The following MAP2K3 variants were observed in gnomAD, a reference collection of about 807,000 sequenced individuals.
MAP2K3 encodes dual specificity mitogen-activated protein kinase kinase 3.
A neutral mutation model predicts 46.4 loss-of-function variants in MAP2K3; 30 were observed. The observed-to-expected ratio is 0.65, with a 90% CI of 0.48 to 0.88. The LOEUF is 0.88. Ranked by LOEUF, MAP2K3 falls within the 40% of genes least tolerant of loss-of-function variation. The pLI is 0.00. For missense variants in MAP2K3, 380 were observed against 464.5 expected (o/e 0.82, Z 1.67); for synonymous variants, 189 against 176.3 (o/e 1.07, Z -0.57).
At position 21,285,390 on chromosome 17, in the gene MAP2K3, G is replaced by T. The variant is rs76559718; in HGVS notation, c.49+421G>T. On this transcript the variant is annotated intron_variant, in intron 1 of 11. Coordinates refer to ENST00000342679, the MANE Select transcript of MAP2K3 (RefSeq NM_145109.3). Reference sequence around the variant, plus strand: ...GCACCCAGTCCCATTTCTAGCTTCGGGTCCCAGGGCTGTATCCAGGTTGGG... The same window carrying T: ...GCACCCAGTCCCATTTCTAGCTTCGTGTCCCAGGGCTGTATCCAGGTTGGG... 5,486 of 600,894 alleles carry T rather than the reference G, an allele frequency of 9.1e-3. 263 individuals carry two copies. The African/African-American group carries it at 0.095, about 10-fold the overall frequency. The allele number at this position is 600,894 out of a possible 1,614,324, so 37.2% of individuals were successfully genotyped here.
intron 7 of MAP2K3, 47 bp downstream of exon 7, chr17:21,303,281 A>T: frequency 6.2e-7 from 1 of 1,612,638 alleles, no homozygotes; most frequent in Non-Finnish European, 8.5e-7. Context: ...AGTGGGAGGG[A>T]TCCCAGGCCA....
At chr17:21,303,013 C>T (rs1976691437) in intron 6 of MAP2K3, among the ~76,000 whole-genome samples, 170 bp from the exon 7 acceptor site, 1 of 152,310 alleles carries the variant, frequency 6.6e-6, no homozygotes, top group Non-Finnish European at 1.5e-5. Flanking sequence ...TGTTAGGATG[C>T]TGGGGCAAAT....
intron 1 of MAP2K3, among the ~76,000 whole-genome samples, chr17:21,293,920 C>G (rs1401688695): frequency 6.6e-6 from 1 of 152,308 alleles, no homozygotes; most frequent in East Asian, 1.9e-4. Context: ...GGGCAAGGGG[C>G]CCTGCCTGAA....
intron 1 of MAP2K3, chr17:21,296,169 C>G (rs896517323): frequency 7.8e-7 from 1 of 1,289,634 alleles, no homozygotes; most frequent in Non-Finnish European, 1.0e-6. Context: ...GAGCACCTTG[C>G]AGACGTGATC....
At chr17:21,311,904 G>A (rs1162080825) in intron 9 of MAP2K3, 16 of 452,008 alleles carry the variant, frequency 3.5e-5, no homozygotes, top group Non-Finnish European at 5.0e-5. Flanking sequence ...CACCAGTCCC[G>A]GTGTGGGCTG....
chr17:21,309,301 G>A, intron 9 of MAP2K3, among the ~76,000 whole-genome samples: 1 of 152,306 alleles, frequency 6.6e-6, no homozygotes, highest in Non-Finnish European at 1.5e-5. Flanking sequence ...CGAGTCACAG[G>A]CCAGCCCAGG....
chr17:21,292,912 T>G (rs1275252578), intron 1 of MAP2K3, among the ~76,000 whole-genome samples: 1 of 152,298 alleles, frequency 6.6e-6, no homozygotes, highest in East Asian at 1.9e-4. Flanking sequence ...TGTGCCAGCC[T>G]TTTGATTCTA....
intron 1 of MAP2K3, among the ~76,000 whole-genome samples, chr17:21,295,407 C>T (rs1162098588): frequency 6.6e-5 from 10 of 152,304 alleles, no homozygotes; most frequent in Admixed American, 5.9e-4. Flanking sequence ...CCAGGACACC[C>T]CGTGCTGAGA....
chr17:21,287,161 C>T (rs943333490), intron 1 of MAP2K3, among the ~76,000 whole-genome samples: 1 of 152,184 alleles, frequency 6.6e-6, no homozygotes, highest in African/African-American at 2.4e-5. Flanking sequence ...TGGTGGGGTG[C>T]CCCCACCCCT....
intron 7 of MAP2K3, 69 bp from the exon 8 acceptor site, chr17:21,304,357 A>C (rs772523500): frequency 7.4e-6 from 12 of 1,612,796 alleles, no homozygotes; most frequent in South Asian, 5.5e-5. Flanking sequence ...GGGCACAGCT[A>C]TGCAGAGCAT....
intron 9 of MAP2K3, among the ~76,000 whole-genome samples, chr17:21,306,176 C>A (rs1976883195): frequency 6.6e-6 from 1 of 152,258 alleles, no homozygotes; most frequent in Non-Finnish European, 1.5e-5. Context: ...CACCAGACTG[C>A]CCCCAACATC....
chr17:21,301,583 C>A (rs1976603658), intron 5 of MAP2K3, among the ~76,000 whole-genome samples: 2 of 152,312 alleles, frequency 1.3e-5, no homozygotes, highest in African/African-American at 4.8e-5. Flanking sequence ...AAGGTCAGGG[C>A]TGCTTCACCT....
Position 21,302,203 on chromosome 17 carries a change from G to T in MAP2K3, c.460G>T (p.Val154Leu). Reference protein sequence around the residue: ...DTSLDKFYRKVLDKNMTIPED... With the variant: ...DTSLDKFYRKLLDKNMTIPED... ...ATCCTTGGACAAGTTCTACCGGAAG[G>T]TGCTGGATAAAAACATGACAATTCC... Residue 154 changes from valine to leucine, a missense_variant, in exon 6 of 12, where the codon GTG (valine) becomes TTG (leucine). Val to Leu is a conservative substitution (Grantham distance 32). This residue lies in a region of MAP2K3 where 294 missense variants were observed against 275.4 expected (regional missense o/e 1.07). Transcript: ENST00000342679. 6.2e-7 allele frequency: 1 copy of T among 1,613,956 alleles called. No individual in the cohort carries two copies. The highest frequency in any genetic ancestry group is 8.5e-7 in the Non-Finnish European group (1 of 1,179,802).
intron 5 of MAP2K3, 129 bp downstream of exon 5, chr17:21,301,122 C>T: frequency 1.3e-6 from 2 of 1,498,526 alleles, no homozygotes; most frequent in East Asian, 2.3e-5. Context: ...GGAGGCTCCC[C>T]CGTCTCTTGG....
At position 21,304,456 on chromosome 17, in the gene MAP2K3, A is replaced by G. The variant is rs1976778508; in HGVS notation, c.599A>G (p.Lys200Arg). ...AAGCCCTCCAATGTCCTTATCAACA[A>G]GGAGGGCCATGTGAAGATGTGTGAC... Reference protein sequence around the residue: ...DVKPSNVLINKEGHVKMCDFG... With the variant: ...DVKPSNVLINREGHVKMCDFG... Residue 200 changes from lysine to arginine, a missense_variant, in exon 8 of 12, where the codon AAG becomes AGG. By Grantham distance (26) the Lys-to-Arg change is conservative. This residue lies in a region of MAP2K3 where 294 missense variants were observed against 275.4 expected (regional missense o/e 1.07). Transcript: ENST00000342679. 1 of 1,614,320 alleles carries G rather than the reference A, an allele frequency of 6.2e-7. No homozygotes were observed. Among genetic ancestry groups the G allele is most frequent in the East Asian group, 2.2e-5 (1 of 44,896 alleles).
chr17:21,314,310 A>C lies in MAP2K3; in HGVS notation c.*80A>C. On this transcript the variant is annotated 3_prime_UTR_variant, in exon 12 of 12. Transcript: ENST00000342679. ...GGGGGCAGTGCTCACCCACACCATAAGCTACTGCCATCCTGGCCCAGGGCA... is the reference window on the plus strand; with the variant it reads ...GGGGGCAGTGCTCACCCACACCATACGCTACTGCCATCCTGGCCCAGGGCA... 1 of 1,239,346 alleles carries C rather than the reference A, an allele frequency of 8.1e-7. No homozygotes were observed. Among genetic ancestry groups the C allele is most frequent in the Middle Eastern group, 2.2e-4 (1 of 4,452 alleles). The allele number at this position is 1,239,346 out of a possible 1,614,324, so 76.8% of individuals were successfully genotyped here.
chr17:21,304,160 T>C (rs1413892477), intron 7 of MAP2K3, among the ~76,000 whole-genome samples: 1 of 152,312 alleles, frequency 6.6e-6, no homozygotes, highest in Non-Finnish European at 1.5e-5. Flanking sequence ...CCTGGAGTCC[T>C]GCCTTCCTTG....
intron 1 of MAP2K3, chr17:21,288,033 A>G (rs1256590847): frequency 7.8e-7 from 1 of 1,288,876 alleles, no homozygotes; most frequent in East Asian, 5.6e-5. Context: ...GCCCAAAGGG[A>G]GCAAAGTTCT....
Position 21,300,633 on chromosome 17 carries a change from A to G in MAP2K3, c.254A>G (p.Gln85Arg). 6.2e-7 allele frequency: 1 copy of G among 1,612,034 alleles called. No individual in the cohort carries two copies. Among genetic ancestry groups the G allele is most frequent in the Non-Finnish European group, 8.5e-7 (1 of 1,179,134 alleles). The part of the protein sequence containing the change: ...YGVVEKVRHA[Q>R]SGTIMAVKRI... Reference sequence around the variant, plus strand: ...GTGGTAGAGAAGGTGCGGCACGCCCAGAGCGGCACCATCATGGCCGTGAAG... The same window carrying G: ...GTGGTAGAGAAGGTGCGGCACGCCCGGAGCGGCACCATCATGGCCGTGAAG... The change falls in exon 4 of 12, where the codon CAG becomes CGG. Residue 85 changes from glutamine to arginine, a missense_variant. Gln to Arg is a conservative substitution (Grantham distance 43). Coordinates refer to ENST00000342679, the MANE Select transcript of MAP2K3 (RefSeq NM_145109.3).
Sources: allele counts gnomAD v4.1 joint callset (sites outside exome capture counted in the v4.1 genomes callset), GRCh38; gene constraint gnomAD v4.1.1; regional missense constraint gnomAD v4.1.1; transcripts MANE v1.5; gene names NCBI Gene and HGNC (gene_info 2026-07-23, HGNC 2026-07-21).